FAM131A: variants seen among roughly 807,000 people sequenced by gnomAD.
The protein encoded by FAM131A is protein FAM131A.
Under a neutral mutation model 39.2 loss-of-function variants are expected in FAM131A, and 24 were observed. The ratio of observed to expected loss-of-function variants is 0.61; its 90% CI spans 0.44 to 0.86. The LOEUF is 0.86. FAM131A is among the 40% of genes least tolerant of loss of function. The pLI, the probability that FAM131A is intolerant of heterozygous loss-of-function variation, is 0.00. For missense variants in FAM131A, 373 were observed against 481.2 expected (o/e 0.78, Z 2.10); for synonymous variants, 202 against 206.8 (o/e 0.98, Z 0.20).
At position 184,342,925 on chromosome 3, in the gene FAM131A, G is replaced by T. The variant is rs1214814242; in HGVS notation, c.625+65G>T. The T allele has an allele frequency of 7.2e-7, 1 of 1,384,494 alleles. No individual in the cohort carries two copies. The highest frequency in any genetic ancestry group is 1.4e-5 in the African/African-American group (1 of 70,524). 85.8% of individuals were successfully genotyped at this position (1,384,494 alleles called of 1,614,324 possible). A position where few individuals can be genotyped will look rare whatever the true frequency, so the allele number is the denominator to read the frequency against. Reference sequence around the variant, plus strand: ...TGATAGACCTTGGCATTCTTTCAGAGCCACATCCAGAACACTCTCAGCCTT... The same window carrying T: ...TGATAGACCTTGGCATTCTTTCAGATCCACATCCAGAACACTCTCAGCCTT... On this transcript the variant is annotated intron_variant, in intron 5 of 5. Coordinates refer to ENST00000383847, the MANE Select transcript of FAM131A (RefSeq NM_144635.5). This position sits in a 1 kb window ranked among gnomAD's most constrained non-coding sequence, Gnocchi z 4.6.
rs766907588 is a variant in FAM131A at position 184,342,702 on chromosome 3, T to C, written c.509-42T>C. 6.4e-7 allele frequency: 1 copy of C among 1,556,306 alleles called. No individual in the cohort carries two copies. The highest frequency in any genetic ancestry group is 2.3e-5 in the East Asian group (1 of 44,274). ...CCTGTCTTCAAGCTGAGCCCTAGAC[T>C]TAGCTCACCTTCTCTGCTTATGCAT... On this transcript the variant is annotated intron_variant, in intron 4 of 5. Transcript: ENST00000383847. The surrounding 1 kb of genome is among the most constrained non-coding windows in gnomAD (Gnocchi z 4.6).
Position 184,338,417 on chromosome 3 carries a change from G to T in FAM131A, c.119G>T (p.Trp40Leu). ...TCGGACCCCGCTTGGGCTGTGGAGT[G>T]GATCGAACTTCCTCGGGGTCTCTCT... ...VSSDPAWAVE[W>L]IELPRGLSLS... The change falls in exon 2 of 6, where the codon TGG becomes TTG. Residue 40 changes from tryptophan to leucine, a missense_variant. By Grantham distance (61) the Trp-to-Leu change is moderately conservative. Around this residue, in one of 2 missense-constraint regions of FAM131A, gnomAD observed 221 missense variants for 347.7 expected, o/e 0.64. Coordinates refer to ENST00000383847, the MANE Select transcript of FAM131A (RefSeq NM_144635.5). 1 of 1,484,470 alleles carries T rather than the reference G, an allele frequency of 6.7e-7. No individual in the cohort carries two copies. The highest frequency in any genetic ancestry group is 8.9e-7 in the Non-Finnish European group (1 of 1,120,916). 92.0% of individuals were successfully genotyped at this position (1,484,470 alleles called of 1,614,324 possible).
Position 184,342,736 on chromosome 3 carries a change from T to C in FAM131A, c.509-8T>C, listed in dbSNP as rs753689374. 4.3e-6 allele frequency: 7 copies of C among 1,611,752 alleles called. No homozygotes were observed. Among genetic ancestry groups the C allele is most frequent in the Non-Finnish European group, 5.9e-6 (7 of 1,178,288 alleles). ...CTTCTCTGCTTATGCATTCTGTCCC[T>C]GCGACAGGAGTGGCTGAGCAGTTTG... On this transcript the variant is annotated splice_polypyrimidine_tract_variant and splice_region_variant and intron_variant, in intron 4 of 5. Transcript: ENST00000383847. This position sits in a 1 kb window ranked among gnomAD's most constrained non-coding sequence, Gnocchi z 4.6.
chr3:184,337,176 A>G (rs1727156993), upstream of FAM131A: 1 of 160,032 alleles, frequency 6.2e-6, no homozygotes, highest in South Asian at 1.7e-4. Context: ...CAAGGCTTGG[A>G]GTTCAGGAAG....
chr3:184,344,694 G>C lies in FAM131A; in HGVS notation c.825G>C (p.Leu275=), dbSNP rs759398560. Residue 275 remains leucine (L), a synonymous_variant, in exon 6 of 6, where the codon CTG becomes CTC. Coordinates refer to ENST00000383847, the MANE Select transcript of FAM131A (RefSeq NM_144635.5). ...LGSPARLASQ[L]LGDELLLAKL... Reference sequence around the variant, plus strand: ...CCCCGGCCCGGCTGGCCTCCCAGCTGCTGGGCGATGAGCTGCTTCTCGCCA... The same window carrying C: ...CCCCGGCCCGGCTGGCCTCCCAGCTCCTGGGCGATGAGCTGCTTCTCGCCA... 3.7e-6 allele frequency: 6 copies of C among 1,612,306 alleles called. No individual in the cohort carries two copies. Among genetic ancestry groups the C allele is most frequent in the South Asian group, 2.2e-5 (2 of 91,030 alleles).
In FAM131A at chr3:184,342,637, A is replaced by G. The variant is rs972575675; in HGVS notation, c.509-107A>G. The G allele has an allele frequency of 3.1e-6, 3 of 971,626 alleles. No homozygotes were observed. Among genetic ancestry groups the G allele is most frequent in the East Asian group, 2.6e-5 (1 of 38,858 alleles). 60.2% of individuals were successfully genotyped at this position (971,626 alleles called of 1,614,324 possible). A position where few individuals can be genotyped will look rare whatever the true frequency, so the allele number is the denominator to read the frequency against. ...GCTTTCTTATCTCCTCGGGTCTGAC[A>G]TGGGGGTTGGAGTCTTCCCATACCC... On this transcript the variant is annotated intron_variant, in intron 4 of 5. Coordinates refer to ENST00000383847, the MANE Select transcript of FAM131A (RefSeq NM_144635.5). This position sits in a 1 kb window ranked among gnomAD's most constrained non-coding sequence, Gnocchi z 4.6.
rs1727588881 is a variant in FAM131A at position 184,345,282 on chromosome 3, GATA to G, written c.*315_*317del. The G allele has an allele frequency of 2.0e-6, 1 of 503,082 alleles. No individual in the cohort carries two copies. Among genetic ancestry groups the G allele is most frequent in the East Asian group, 3.6e-5 (1 of 27,546 alleles). The allele number at this position is 503,082 out of a possible 1,614,324, so 31.2% of individuals were successfully genotyped here. A position where few individuals can be genotyped will look rare whatever the true frequency, so the allele number is the denominator to read the frequency against. ...ATGCCACACACACATTTCCTCCTCG[GATA>G]ATGTGAACCACTAAGGGGGTTGTGA... is the stretch of plus-strand genomic sequence containing the variant. On this transcript the variant is annotated 3_prime_UTR_variant, in exon 6 of 6. Coordinates refer to ENST00000383847, the MANE Select transcript of FAM131A (RefSeq NM_144635.5).
In FAM131A at chr3:184,344,587, C is replaced by T; in HGVS notation, c.718C>T (p.Pro240Ser). The T allele has an allele frequency of 6.2e-7, 1 of 1,611,894 alleles. No homozygotes were observed. Reference protein sequence around the residue: ...SRPVRQGSVEPESDCSQTVSP... With the variant: ...SRPVRQGSVESESDCSQTVSP... ...GCCTGTGCGCCAGGGCTCCGTGGAGCCTGAGAGCGACTGCTCACAGACCGT... is the reference window on the plus strand; with the variant it reads ...GCCTGTGCGCCAGGGCTCCGTGGAGTCTGAGAGCGACTGCTCACAGACCGT... The change falls in exon 6 of 6, where the codon CCT becomes TCT. Residue 240 changes from proline to serine, a missense_variant. By Grantham distance (74) the Pro-to-Ser change is moderately conservative (BLOSUM62 -1). This residue lies in a region of FAM131A where 221 missense variants were observed against 347.7 expected (regional missense o/e 0.64). Transcript: ENST00000383847.
At position 184,338,445 on chromosome 3, in the gene FAM131A, A is replaced by G. The variant is rs1216009041; in HGVS notation, c.147A>G (p.Leu49=). 1 of 1,522,032 alleles carries G rather than the reference A, an allele frequency of 6.6e-7. No homozygotes were observed. Among genetic ancestry groups the G allele is most frequent in the South Asian group, 1.2e-5 (1 of 81,912 alleles). The allele number at this position is 1,522,032 out of a possible 1,614,324, so 94.3% of individuals were successfully genotyped here. Residue 49 remains leucine, a synonymous_variant, in exon 2 of 6, where the codon CTA becomes CTG. Transcript: ENST00000383847. ...EWIELPRGLS[L]SSLGSARTLR... ...TCGAACTTCCTCGGGGTCTCTCTCTATCCTCTTTGGGATCTGCTCGAACCC... is the reference window on the plus strand; with the variant it reads ...TCGAACTTCCTCGGGGTCTCTCTCTGTCCTCTTTGGGATCTGCTCGAACCC...
Position 184,344,662 on chromosome 3 carries a change from T to C in FAM131A, c.793T>C (p.Leu265=), listed in dbSNP as rs1258975210. Residue 265 remains leucine, a synonymous_variant, in exon 6 of 6, where the codon TTG becomes CTG. Transcript: ENST00000383847. ...SSLCSLEDGL[L]GSPARLASQL... ...TCTGTGCAGCCTGGAGGATGGGTTG[T>C]TGGGCTCCCCGGCCCGGCTGGCCTC... is the stretch of plus-strand genomic sequence containing the variant. 1.9e-6 allele frequency: 3 copies of C among 1,612,716 alleles called. No homozygotes were observed. Among genetic ancestry groups the C allele is most frequent in the South Asian group, 1.1e-5 (1 of 91,048 alleles).
At chr3:184,336,009 A>G (rs1727062350), upstream of FAM131A, 1 of 151,918 alleles carries the variant, frequency 6.6e-6, no homozygotes, top group Admixed American at 6.5e-5. The surrounding 1 kb of genome is among the most constrained non-coding windows in gnomAD (Gnocchi z 5.5). Context: ...TCCCCTCCCC[A>G]GTGTGGCCGC....
At position 184,342,947 on chromosome 3, in the gene FAM131A, C is replaced by A; in HGVS notation, c.625+87C>A. 2.5e-6 allele frequency: 3 copies of A among 1,193,188 alleles called. No homozygotes were observed. The highest frequency in any genetic ancestry group is 2.6e-5 in the South Asian group (2 of 77,540). 73.9% of individuals were successfully genotyped at this position (1,193,188 alleles called of 1,614,324 possible). A position where few individuals can be genotyped will look rare whatever the true frequency, so the allele number is the denominator to read the frequency against. ...AGAGCCACATCCAGAACACTCTCAGCCTTTGCAAGGGGAGGGAGAGGGACA... is the reference window on the plus strand; with the variant it reads ...AGAGCCACATCCAGAACACTCTCAGACTTTGCAAGGGGAGGGAGAGGGACA... On this transcript the variant is annotated intron_variant, in intron 5 of 5. Coordinates refer to ENST00000383847, the MANE Select transcript of FAM131A (RefSeq NM_144635.5). This position sits in a 1 kb window ranked among gnomAD's most constrained non-coding sequence, Gnocchi z 4.6.
chr3:184,335,944 T>C (rs1176581859), upstream of FAM131A: 2 of 152,246 alleles, frequency 1.3e-5, no homozygotes, highest in African/African-American at 2.4e-5. Context: ...CCCGGTTCCC[T>C]CTCCGGGGAG....
chr3:184,345,507 G>C lies in FAM131A; in HGVS notation c.*537G>C. On this transcript the variant is annotated 3_prime_UTR_variant, in exon 6 of 6. Transcript: ENST00000383847. ...TCCCTCAAGGGCCCCTGCCCAGCTG[G>C]GCTCGTGCTGTGCTTCATTCACCTC... 1.4e-6 allele frequency: 1 copy of C among 703,054 alleles called. No individual in the cohort carries two copies. Among genetic ancestry groups the C allele is most frequent in the Non-Finnish European group, 2.6e-6 (1 of 385,006 alleles). 43.6% of individuals were successfully genotyped at this position (703,054 alleles called of 1,614,324 possible).
chr3:184,336,520 C>G (rs1268606424), upstream of FAM131A, among the ~76,000 whole-genome samples: 1 of 152,212 alleles, frequency 6.6e-6, no homozygotes, highest in Non-Finnish European at 1.5e-5. This position sits in a 1 kb window ranked among gnomAD's most constrained non-coding sequence, Gnocchi z 5.5. Context: ...CCTTCACAGT[C>G]CTGGGAGTGG....
rs1402898867 is a variant in FAM131A, at chr3:184,344,529, C to T, written c.660C>T (p.Leu220=). 1 of 1,568,540 alleles carries T rather than the reference C, an allele frequency of 6.4e-7. No homozygotes were observed. The highest frequency in any genetic ancestry group is 8.7e-7 in the Non-Finnish European group (1 of 1,155,708). Residue 220 remains leucine (L), a synonymous_variant, in exon 6 of 6, where the codon CTC becomes CTT. Transcript: ENST00000383847. ...MAGQLPLGPH[L]QDLFTGHRFS... is the part of the protein sequence containing the mutation. ...GGCAGCTGCCCCTGGGGCCGCACCT[C>T]CAGGACCTGTTCACCGGCCACCGGT...
chr3:184,338,123 T>C (rs1727203356), intron 1 of FAM131A, among the ~76,000 whole-genome samples: 1 of 151,944 alleles, frequency 6.6e-6, no homozygotes, highest in Admixed American at 6.5e-5. Context: ...GAATTTATCA[T>C]TGTTTGGTTT....
rs754713023 is a variant in FAM131A at position 184,342,725 on chromosome 3, CA to C, written c.509-18del. The C allele has an allele frequency of 5.0e-6, 8 of 1,603,562 alleles. No homozygotes were observed. In the African/African-American group the frequency reaches 1.1e-4, roughly 21 times the overall value. On this transcript the variant is annotated intron_variant, in intron 4 of 5. Transcript: ENST00000383847. The surrounding 1 kb of genome is among the most constrained non-coding windows in gnomAD (Gnocchi z 4.6). ...ACTTAGCTCACCTTCTCTGCTTATG[CA>C]TTCTGTCCCTGCGACAGGAGTGGCT...
At chr3:184,336,963 T>C (rs190392186), upstream of FAM131A, among the ~76,000 whole-genome samples, 190 of 152,338 alleles carry the variant, frequency 1.2e-3, 2 homozygotes, top group African/African-American at 4.4e-3. The surrounding 1 kb of genome is among the most constrained non-coding windows in gnomAD (Gnocchi z 5.5). Flanking sequence ...AAGGCAGGAC[T>C]GGGTTTGGGA....
Sources: allele counts gnomAD v4.1 joint callset (sites outside exome capture counted in the v4.1 genomes callset), GRCh38; gene constraint gnomAD v4.1.1; regional missense constraint gnomAD v4.1.1; non-coding constraint Gnocchi (gnomAD v3.1); transcripts MANE v1.5; gene names NCBI Gene and HGNC (gene_info 2026-07-23, HGNC 2026-07-21).